MFSD2B: variants seen among roughly 807,000 people sequenced by gnomAD.
MFSD2B encodes the protein MFSD2 lysolipid transporter B, sphingolipid, also known as sphingosine-1-phosphate transporter MFSD2B.
Under a neutral mutation model 58.4 loss-of-function variants are expected in MFSD2B, and 56 were observed. The ratio of observed to expected loss-of-function variants is 0.96; its 90% CI spans 0.77 to 1.20. MFSD2B has a LOEUF of 1.20. Ranked by LOEUF, MFSD2B falls within the 50% of genes most tolerant of loss-of-function variation. The probability of loss-of-function intolerance (pLI) is 0.00; values close to 1 mark genes in which losing one functional copy is unlikely to be tolerated. For missense variants in MFSD2B, 645 were observed against 667.6 expected (o/e 0.97, Z 0.37); for synonymous variants, 287 against 294.4 (o/e 0.97, Z 0.26).
rs895534026 is a variant in MFSD2B, at chr2:24,017,358, G to C, written c.544G>C (p.Ala182Pro). ...CCCAAGGGAGCGGGACTCGGCCACCGCCTACCGTGAGTGCAGCCGTGGGTT... is the reference window on the plus strand; with the variant it reads ...CCCAAGGGAGCGGGACTCGGCCACCCCCTACCGTGAGTGCAGCCGTGGGTT... ...PCPRERDSAT[A>P]YRMTVEMAGT... Residue 182 changes from alanine to proline, a missense_variant, in exon 5 of 14, where the codon GCC becomes CCC. By Grantham distance (27) the Ala-to-Pro change is conservative (BLOSUM62 -1). Transcript: ENST00000338315. This position sits in a 1 kb window ranked among gnomAD's most constrained non-coding sequence, Gnocchi z 4.8. The C allele has an allele frequency of 3.1e-6, 5 of 1,603,890 alleles. No individual in the cohort carries two copies. The South Asian group carries it at 3.4e-5, about 11-fold the overall frequency.
rs774012395 is a variant in MFSD2B at position 24,013,363 on chromosome 2, A to G, written c.175A>G (p.Ser59Gly). The change falls in exon 2 of 14, where the codon AGC (serine) becomes GGC (glycine). Residue 59 changes from serine to glycine, a missense_variant. Physicochemically the swap from Ser to Gly is moderately conservative, Grantham distance 56. Coordinates refer to ENST00000338315, the MANE Select transcript of MFSD2B (RefSeq NM_001346880.2). ...TGGGGTCCCCAACCAGATAGCCTCC[A>G]GCGCCACAGCCTTTTACCTGCAGCT... ...IGGVPNQIASSATAFYLQLFL... is the reference protein window; with the variant it reads ...IGGVPNQIASGATAFYLQLFL... The G allele has an allele frequency of 2.5e-6, 4 of 1,611,478 alleles. No individual in the cohort carries two copies. The South Asian group carries it at 4.4e-5, about 18-fold the overall frequency.
In MFSD2B at chr2:24,013,387, C is replaced by T. The variant is rs763064150; in HGVS notation, c.199C>T (p.Leu67Phe). The T allele has an allele frequency of 1.9e-6, 3 of 1,608,796 alleles. No homozygotes were observed. The highest frequency in any genetic ancestry group is 1.7e-6 in the Non-Finnish European group (2 of 1,177,750). ...ASSATAFYLQLFLLDIAQIPA... is the reference protein window; with the variant it reads ...ASSATAFYLQFFLLDIAQIPA... The stretch of plus-strand genomic sequence containing the variant: ...CAGCGCCACAGCCTTTTACCTGCAG[C>T]TTTTCCTGCTTGATATAGCACAGGT... Residue 67 changes from leucine to phenylalanine, a missense_variant, in exon 2 of 14, where the codon CTT (leucine) becomes TTT (phenylalanine). Physicochemically the swap from Leu to Phe is conservative, Grantham distance 22. Coordinates refer to ENST00000338315, the MANE Select transcript of MFSD2B (RefSeq NM_001346880.2).
chr2:24,016,172 T>G lies in MFSD2B; in HGVS notation c.239T>G (p.Val80Gly). The G allele has an allele frequency of 6.2e-7, 1 of 1,613,746 alleles. No homozygotes were observed. Among genetic ancestry groups the G allele is most frequent in the Non-Finnish European group, 8.5e-7 (1 of 1,179,876 alleles). ...CTGTTTCAGATCCCTGCCGCCCAGG[T>G]GTCACTTGTTCTGTTTGGGGGAAAA... ...LDIAQIPAAQ[V>G]SLVLFGGKVS... is the part of the protein sequence containing the mutation. The change falls in exon 3 of 14, where the codon GTG becomes GGG. Residue 80 changes from valine to glycine, a missense_variant. By Grantham distance (109) the Val-to-Gly change is moderately radical. Coordinates refer to ENST00000338315, the MANE Select transcript of MFSD2B (RefSeq NM_001346880.2).
intron 1 of MFSD2B, among the ~76,000 whole-genome samples, chr2:24,011,011 A>G (rs746802054): frequency 3.3e-5 from 5 of 152,210 alleles, no homozygotes; most frequent in Admixed American, 6.5e-5. Context: ...CAAGAGGGAA[A>G]CACTCGCATT....
intron 6 of MFSD2B, among the ~76,000 whole-genome samples, chr2:24,018,036 C>A (rs1348424385): frequency 6.6e-6 from 1 of 152,160 alleles, no homozygotes; most frequent in Non-Finnish European, 1.5e-5. Flanking sequence ...GAGGGGGAAG[C>A]CCCCTTCCTT....
Position 24,015,307 on chromosome 2 carries a change from C to G in MFSD2B, c.223-849C>G, listed in dbSNP as rs544109556. Among the ~76,000 whole-genome samples the G allele has an allele frequency of 5.9e-5, 9 of 152,010 alleles. No homozygotes were observed. The South Asian group carries it at 1.9e-3, about 32-fold the overall frequency. ...AAAAATTTAAAAATACAAAAATTAG[C>G]TCGGTGTAGAGGAACGTGCCTGTGG... On this transcript the variant is annotated intron_variant, in intron 2 of 13. Coordinates refer to ENST00000338315, the MANE Select transcript of MFSD2B (RefSeq NM_001346880.2).
chr2:24,025,357 C>T, intron 13 of MFSD2B, 75 bp from the exon 14 acceptor site: 1 of 1,401,804 alleles, frequency 7.1e-7, no homozygotes, highest in Non-Finnish European at 9.8e-7. Flanking sequence ...ACCAAACCTT[C>T]CGCGGGCTTC....
chr2:24,010,632 C>T (rs913090011), intron 1 of MFSD2B, among the ~76,000 whole-genome samples: 1 of 152,178 alleles, frequency 6.6e-6, no homozygotes, highest in Non-Finnish European at 1.5e-5. Flanking sequence ...CCCTTGGAGG[C>T]AGCCTCAGGG....
chr2:24,025,718 G>A lies in MFSD2B; in HGVS notation c.*262G>A, dbSNP rs1443402478. ...CAGTAGCACTTGTCTCTAGAAAAAG[G>A]AAGCTCCTGCCCAACCTGGCTTGTG... On this transcript the variant is annotated 3_prime_UTR_variant, in exon 14 of 14. Coordinates refer to ENST00000338315, the MANE Select transcript of MFSD2B (RefSeq NM_001346880.2). The A allele has an allele frequency of 4.4e-6, 2 of 450,890 alleles. No individual in the cohort carries two copies. Among genetic ancestry groups the A allele is most frequent in the African/African-American group, 3.9e-5 (2 of 51,092 alleles). 27.9% of individuals were successfully genotyped at this position (450,890 alleles called of 1,614,324 possible).
chr2:24,022,322 C>A lies in MFSD2B; in HGVS notation c.895-111C>A. The A allele has an allele frequency of 2.3e-6, 2 of 857,970 alleles. No homozygotes were observed. The highest frequency in any genetic ancestry group is 3.8e-6 in the Non-Finnish European group (2 of 522,068). The allele number at this position is 857,970 out of a possible 1,614,324, so 53.1% of individuals were successfully genotyped here. A position where few individuals can be genotyped will look rare whatever the true frequency, so the allele number is the denominator to read the frequency against. On this transcript the variant is annotated intron_variant, in intron 8 of 13. Transcript: ENST00000338315. The surrounding 1 kb of genome is among the most constrained non-coding windows in gnomAD (Gnocchi z 4.5). ...GGGGGAAGGGACTGTATGATGGTAG[C>A]AGCAAGCCAAGGTCCCAATGGAGAT...
intron 2 of MFSD2B, among the ~76,000 whole-genome samples, chr2:24,015,209 G>A (rs907264224): frequency 2.0e-5 from 3 of 151,828 alleles, no homozygotes; most frequent in African/African-American, 7.3e-5. Flanking sequence ...GTCAAGGCGG[G>A]AGGACCGTCT....
Position 24,012,169 on chromosome 2 carries a change from C to CA in MFSD2B, c.97-1115dup, listed in dbSNP as rs1320870209. ...CAAACAAAACACACACACACACACA[C>CA]ACACACACACAAAAACAGACAAAAA... On this transcript the variant is annotated intron_variant, in intron 1 of 13. Transcript: ENST00000338315. The surrounding 1 kb of genome is among the most constrained non-coding windows in gnomAD (Gnocchi z 4.5). Among the ~76,000 whole-genome samples the CA allele has an allele frequency of 4.8e-5, 3 of 62,594 alleles. No homozygotes were observed. Among genetic ancestry groups the CA allele is most frequent in the Non-Finnish European group, 8.1e-5 (2 of 24,650 alleles). 41.1% of individuals were successfully genotyped at this position (62,594 alleles called of 152,430 possible). A position where few individuals can be genotyped will look rare whatever the true frequency, so the allele number is the denominator to read the frequency against.
chr2:24,024,042 A>G lies in MFSD2B; in HGVS notation c.1314-53A>G. ...GGTGAGGTGTCGAGTCCCTCCACCC[A>G]GGGTGCCAGGCTCAGCAGGCCCTGC... On this transcript the variant is annotated intron_variant, in intron 12 of 13. Coordinates refer to ENST00000338315, the MANE Select transcript of MFSD2B (RefSeq NM_001346880.2). This position sits in a 1 kb window ranked among gnomAD's most constrained non-coding sequence, Gnocchi z 4.3. The G allele has an allele frequency of 6.3e-7, 1 of 1,584,358 alleles. No individual in the cohort carries two copies. The highest frequency in any genetic ancestry group is 1.1e-5 in the South Asian group (1 of 89,220).
At position 24,023,838 on chromosome 2, in the gene MFSD2B, C is replaced by A; in HGVS notation, c.1313+112C>A. ...CATCCATGAGCCTGGGGCCTAAGCG[C>A]TACTCTTTGGAGAGTGTGGGGAACC... is the stretch of plus-strand genomic sequence containing the variant. On this transcript the variant is annotated intron_variant, in intron 12 of 13. Transcript: ENST00000338315. This position sits in a 1 kb window ranked among gnomAD's most constrained non-coding sequence, Gnocchi z 5.0. 1 of 1,332,112 alleles carries A rather than the reference C, an allele frequency of 7.5e-7. No individual in the cohort carries two copies. The highest frequency in any genetic ancestry group is 1.0e-6 in the Non-Finnish European group (1 of 958,986). 82.5% of individuals were successfully genotyped at this position (1,332,112 alleles called of 1,614,324 possible).
Position 24,013,388 on chromosome 2 carries a change from T to C in MFSD2B, c.200T>C (p.Leu67Pro). 1 of 1,608,894 alleles carries C rather than the reference T, an allele frequency of 6.2e-7. No homozygotes were observed. The highest frequency in any genetic ancestry group is 1.3e-5 in the African/African-American group (1 of 75,000). Reference sequence around the variant, plus strand: ...AGCGCCACAGCCTTTTACCTGCAGCTTTTCCTGCTTGATATAGCACAGGTA... The same window carrying C: ...AGCGCCACAGCCTTTTACCTGCAGCCTTTCCTGCTTGATATAGCACAGGTA... ...ASSATAFYLQLFLLDIAQIPA... is the reference protein window; with the variant it reads ...ASSATAFYLQPFLLDIAQIPA... The change falls in exon 2 of 14, where the codon CTT (leucine) becomes CCT (proline). Residue 67 changes from leucine (L) to proline (P), a missense_variant. Physicochemically the swap from Leu to Pro is moderately conservative, Grantham distance 98. Coordinates refer to ENST00000338315, the MANE Select transcript of MFSD2B (RefSeq NM_001346880.2).
At position 24,014,953 on chromosome 2, in the gene MFSD2B, T is replaced by G. The variant is rs999257129; in HGVS notation, c.223-1203T>G. 2.6e-5 allele frequency among the ~76,000 whole-genome samples: 4 copies of G among 152,140 alleles called. No homozygotes were observed. In the East Asian group the frequency reaches 7.7e-4, roughly 29 times the overall value. On this transcript the variant is annotated intron_variant, in intron 2 of 13. Coordinates refer to ENST00000338315, the MANE Select transcript of MFSD2B (RefSeq NM_001346880.2). ...TGACCAATATGGTGAACCCCATTTC[T>G]ACTAAATATACAAAAATTAGCCAGG...
Position 24,022,780 on chromosome 2 carries a change from C to T in MFSD2B, c.979-42C>T. ...GGCCTTGGGGTCCCAGGCAAAGGCG[C>T]TGGCAGCACGGCCCTGGCGTGACGA... On this transcript the variant is annotated intron_variant, in intron 9 of 13. Coordinates refer to ENST00000338315, the MANE Select transcript of MFSD2B (RefSeq NM_001346880.2). This position sits in a 1 kb window ranked among gnomAD's most constrained non-coding sequence, Gnocchi z 4.5. 6.9e-7 allele frequency: 1 copy of T among 1,446,460 alleles called. No homozygotes were observed. The highest frequency in any genetic ancestry group is 9.2e-7 in the Non-Finnish European group (1 of 1,082,976). The allele number at this position is 1,446,460 out of a possible 1,614,324, so 89.6% of individuals were successfully genotyped here.
rs1293987108 is a variant in MFSD2B at position 24,023,444 on chromosome 2, C to G, written c.1170-139C>G. 1 of 1,067,864 alleles carries G rather than the reference C, an allele frequency of 9.4e-7. No individual in the cohort carries two copies. The highest frequency in any genetic ancestry group is 1.6e-5 in the African/African-American group (1 of 63,498). 66.1% of individuals were successfully genotyped at this position (1,067,864 alleles called of 1,614,324 possible). A position where few individuals can be genotyped will look rare whatever the true frequency, so the allele number is the denominator to read the frequency against. On this transcript the variant is annotated intron_variant, in intron 11 of 13. Transcript: ENST00000338315. The surrounding 1 kb of genome is among the most constrained non-coding windows in gnomAD (Gnocchi z 5.0). ...CTGGCGGGGGGTACGAGCACACAGG[C>G]CATCTGCTTCTCTGGTGGCCAGTCT...
Position 24,022,868 on chromosome 2 carries a change from G to C in MFSD2B, c.1025G>C (p.Arg342Pro). Reference sequence around the variant, plus strand: ...CCGCTGTGGGAGTGGGTTCTCCAGCGCTTTGGGAAGAAGACGTCAGCCTTT... The same window carrying C: ...CCGCTGTGGGAGTGGGTTCTCCAGCCCTTTGGGAAGAAGACGTCAGCCTTT... ...STPLWEWVLQ[R>P]FGKKTSAFGI... The change falls in exon 10 of 14, where the codon CGC becomes CCC. Residue 342 changes from arginine to proline, a missense_variant. Physicochemically the swap from Arg to Pro is moderately radical, Grantham distance 103. Transcript: ENST00000338315. This position sits in a 1 kb window ranked among gnomAD's most constrained non-coding sequence, Gnocchi z 4.5. The C allele has an allele frequency of 6.2e-7, 1 of 1,611,222 alleles. No homozygotes were observed. Among genetic ancestry groups the C allele is most frequent in the South Asian group, 1.1e-5 (1 of 90,504 alleles).
Sources: allele counts gnomAD v4.1 joint callset (sites outside exome capture counted in the v4.1 genomes callset), GRCh38; gene constraint gnomAD v4.1.1; non-coding constraint Gnocchi (gnomAD v3.1); transcripts MANE v1.5; gene names NCBI Gene and HGNC (gene_info 2026-07-23, HGNC 2026-07-21).